Variants in TIAM2 observed in about 807,000 individuals in gnomAD.
TIAM2 encodes the protein TIAM Rac1 associated GEF 2, also known as rho guanine nucleotide exchange factor TIAM2.
TIAM2 carries 80 observed loss-of-function variants against 152.9 expected under a neutral mutation model. The ratio of observed to expected loss-of-function variants is 0.52; its 90% CI spans 0.44 to 0.63. The LOEUF is 0.63. TIAM2 is among the 30% of genes least tolerant of loss of function. The probability of loss-of-function intolerance (pLI) is 0.00; values close to 1 mark genes in which losing one functional copy is unlikely to be tolerated. For missense variants in TIAM2, 1,965 were observed against 2,120.1 expected, an observed-to-expected ratio of 0.93 and a Z score of 1.44; for synonymous variants, 804 against 838.0, an observed-to-expected ratio of 0.96 and a Z score of 0.70.
chr6:155,175,517 T>A (rs1391013250), intron 9 of TIAM2, among the ~76,000 whole-genome samples: 1 of 152,226 alleles, frequency 6.6e-6, no homozygotes, highest in Non-Finnish European at 1.5e-5. Flanking sequence ...CCTCTTTTGC[T>A]CACAAAAACT....
chr6:155,188,390 A>G (rs1019329842), intron 14 of TIAM2, among the ~76,000 whole-genome samples: 4 of 152,244 alleles, frequency 2.6e-5, no homozygotes, highest in Non-Finnish European at 5.9e-5. Context: ...AGGGTTCAGT[A>G]TGAAGTTCCT....
intron 7 of TIAM2, among the ~76,000 whole-genome samples, chr6:155,152,245 C>G (rs1289474808): frequency 6.6e-6 from 1 of 152,168 alleles, no homozygotes; most frequent in Non-Finnish European, 1.5e-5. Context: ...ATAGTTTTAA[C>G]GAGGAAGCCA....
intron 5 of TIAM2, among the ~76,000 whole-genome samples, chr6:155,140,556 ATGTG>A (rs201167708): frequency 2.5e-5 from 3 of 120,102 alleles, no homozygotes; most frequent in Non-Finnish European, 3.4e-5. Flanking sequence ...CTGTGTGTGT[ATGTG>A]TGTGTGTGTG....
chr6:155,256,950 CAG>C lies in TIAM2; in HGVS notation c.4938_4939del (p.Gly1647AsnfsTer13). ...KRKANSTKRDRGTLLKAQIRH... is the reference protein window; with the variant it reads ...KRKANSTKRDXGTLLKAQIRH... Reference sequence around the variant, plus strand: ...GAAAAGCCAACAGCACCAAGAGGGACAGAGGAACTTTGCTCAAGGCGCAGATC... The same window carrying C: ...GAAAAGCCAACAGCACCAAGAGGGACAGGAACTTTGCTCAAGGCGCAGATC... On this transcript the variant is annotated frameshift_variant, in exon 27 of 27. Transcript: ENST00000682666. LOFTEE classifies it high-confidence loss of function. The C allele has an allele frequency of 6.2e-7, 1 of 1,614,164 alleles. No individual in the cohort carries two copies. The highest frequency in any genetic ancestry group is 1.1e-5 in the South Asian group (1 of 91,074).
At chr6:155,076,996 G>A (rs1046729512) in intron 1 of TIAM2, among the ~76,000 whole-genome samples, 2 of 152,074 alleles carry the variant, frequency 1.3e-5, no homozygotes, top group Non-Finnish European at 2.9e-5. Context: ...GCACCCGGTC[G>A]AAATTCATAT....
chr6:155,185,617 G>A (rs151076403), intron 14 of TIAM2, among the ~76,000 whole-genome samples: 1 of 151,924 alleles, frequency 6.6e-6, no homozygotes, highest in East Asian at 1.9e-4. Context: ...GCAGCCATTC[G>A]GACTGTCTAA....
At chr6:155,154,468 A>C (rs1780057033) in intron 7 of TIAM2, among the ~76,000 whole-genome samples, 1 of 152,146 alleles carries the variant, frequency 6.6e-6, no homozygotes. Flanking sequence ...AGGATGATGC[A>C]GCTTTCATTT....
At chr6:155,117,465 C>T (rs1416998735) in intron 2 of TIAM2, among the ~76,000 whole-genome samples, 1 of 152,154 alleles carries the variant, frequency 6.6e-6, no homozygotes, top group South Asian at 2.1e-4. Flanking sequence ...CCCCTGTAGA[C>T]GGAGTCATGC....
intron 26 of TIAM2, 126 bp from the exon 27 acceptor site, chr6:155,256,358 T>C (rs1057487102): frequency 7.9e-6 from 11 of 1,394,658 alleles, no homozygotes; most frequent in African/African-American, 5.8e-5. Flanking sequence ...ACCAGGATAG[T>C]TGCTAACTGA....
In TIAM2 at chr6:155,136,805, C is replaced by A. The variant is rs374033653; in HGVS notation, c.1195-372C>A. Among the ~76,000 whole-genome samples, 2 of 152,104 alleles carry A rather than the reference C, an allele frequency of 1.3e-5. 1 individual carries two copies. Among genetic ancestry groups the A allele is most frequent in the Non-Finnish European group, 2.9e-5 (2 of 68,018 alleles). On this transcript the variant is annotated intron_variant, in intron 4 of 26. Coordinates refer to ENST00000682666, the MANE Select transcript of TIAM2 (RefSeq NM_012454.4). ...AAAATAAATTGCAAGAATATGAATT[C>A]TTTCCTGGAAGATACTGATTCATGG...
At chr6:155,243,291 A>T (rs766108184) in intron 16 of TIAM2, among the ~76,000 whole-genome samples, 1 of 152,124 alleles carries the variant, frequency 6.6e-6, no homozygotes, top group African/African-American at 2.4e-5. Context: ...TCCATGCTGG[A>T]CCTCTCACTG....
rs150514086 is a variant in TIAM2 at position 155,255,220 on chromosome 6, C to T, written c.4468+647C>T. 593 of 152,300 alleles carry T rather than the reference C, an allele frequency of 3.9e-3. 2 individuals are homozygous for T. Among genetic ancestry groups the T allele is most frequent in the Middle Eastern group, 6.8e-3 (2 of 294 alleles). The allele number at this position is 152,300 out of a possible 1,614,324, so 9.4% of individuals were successfully genotyped here. Reference sequence around the variant, plus strand: ...TTAGTAGGTACATTAAATGCATTCTCGACTTTCCATATTATCAACTTAACA... The same window carrying T: ...TTAGTAGGTACATTAAATGCATTCTTGACTTTCCATATTATCAACTTAACA... On this transcript the variant is annotated intron_variant, in intron 26 of 26. Coordinates refer to ENST00000682666, the MANE Select transcript of TIAM2 (RefSeq NM_012454.4).
At chr6:155,068,615 G>A (rs1486399009) in intron 1 of TIAM2, among the ~76,000 whole-genome samples, 3 of 82,094 alleles carry the variant, frequency 3.7e-5, no homozygotes, top group East Asian at 7.2e-4. Context: ...CCCCCATCAC[G>A]TCTGGCTAAT....
chr6:155,120,252 A>G (rs935423703), intron 2 of TIAM2, among the ~76,000 whole-genome samples: 1 of 152,230 alleles, frequency 6.6e-6, no homozygotes, highest in African/African-American at 2.4e-5. Context: ...TTCATCTGTT[A>G]ATATGCATTT....
intron 5 of TIAM2, among the ~76,000 whole-genome samples, chr6:155,139,240 G>A (rs1040888548): frequency 2.0e-5 from 3 of 152,180 alleles, no homozygotes; most frequent in African/African-American, 7.2e-5. Flanking sequence ...TTCCCCAACC[G>A]TGGAGGGCAG....
In TIAM2 at chr6:155,046,264, C is replaced by T. The variant is rs577144391; in HGVS notation, c.-208-44025C>T. Among the ~76,000 whole-genome samples, 4 of 150,360 alleles carry T rather than the reference C, an allele frequency of 2.7e-5. No homozygotes were observed. In the East Asian group the frequency reaches 7.9e-4, roughly 30 times the overall value. ...CATTGCTGTTTGTTTTATTTTCTTT[C>T]TTTAAGGTAATCATTTTCCTTGTAA... is the stretch of plus-strand genomic sequence containing the variant. On this transcript the variant is annotated intron_variant, in intron 1 of 26. Transcript: ENST00000682666.
At chr6:155,044,240 T>A (rs1022006333) in intron 1 of TIAM2, among the ~76,000 whole-genome samples, 5 of 152,154 alleles carry the variant, frequency 3.3e-5, no homozygotes, top group Admixed American at 1.3e-4. Context: ...ACACAGGTTG[T>A]TCCTGGAGCC....
chr6:155,046,246 G>A (rs1257774370), intron 1 of TIAM2, among the ~76,000 whole-genome samples: 1 of 150,536 alleles, frequency 6.6e-6, no homozygotes, highest in Non-Finnish European at 1.5e-5. Context: ...CAGCATTGCT[G>A]TTTGTTTTAT....
At position 155,156,979 on chromosome 6, in the gene TIAM2, C is replaced by T. The variant is rs1780133194; in HGVS notation, c.2029-7436C>T. On this transcript the variant is annotated intron_variant, in intron 7 of 26. Coordinates refer to ENST00000682666, the MANE Select transcript of TIAM2 (RefSeq NM_012454.4). The surrounding 1 kb of genome is among the most constrained non-coding windows in gnomAD (Gnocchi z 4.4). ...ATCAGGGAGCCCCACTCTCCTCCCA[C>T]AGTTCTCCATGTCTGTGCCACTGCT... 6.6e-6 allele frequency among the ~76,000 whole-genome samples: 1 copy of T among 152,232 alleles called. No homozygotes were observed. The highest frequency in any genetic ancestry group is 1.5e-5 in the Non-Finnish European group (1 of 68,040).
Sources: gnomAD v4.1 joint callset for allele counts (sites outside exome capture counted in the v4.1 genomes callset) on GRCh38, gnomAD v4.1.1 for gene constraint, Gnocchi (gnomAD v3.1) non-coding constraint, MANE v1.5 for transcripts, NCBI Gene and HGNC (gene_info 2026-07-23, HGNC 2026-07-21) for gene names.